The following SBF1 variants were observed in gnomAD, a reference collection of about 807,000 sequenced individuals.
SBF1 encodes myotubularin-related protein 5.
Under a neutral mutation model 215.8 loss-of-function variants are expected in SBF1, and 65 were observed. That is an observed-to-expected ratio of 0.30 (90% CI 0.25 to 0.37). The LOEUF (loss-of-function observed/expected upper bound fraction) is 0.37. SBF1 is among the 10% of genes least tolerant of loss of function. The probability of loss-of-function intolerance (pLI) is 1.00; values close to 1 mark genes in which losing one functional copy is unlikely to be tolerated. For missense variants in SBF1, 2,634 were observed against 2,667.8 expected (o/e 0.99, Z 0.28); for synonymous variants, 1,410 against 1,122.8 (o/e 1.26, Z -5.11).
chr22:50,453,873 G>A (rs1159775741), intron 36 of SBF1, among the ~76,000 whole-genome samples: 1 of 152,090 alleles, frequency 6.6e-6, no homozygotes, highest in Non-Finnish European at 1.5e-5. Context: ...TAGGTCCAAG[G>A]TCCACACTCC....
At position 50,467,323 on chromosome 22, in the gene SBF1, G is replaced by A. The variant is rs970417225; in HGVS notation, c.549+15C>T. 2.5e-6 allele frequency: 4 copies of A among 1,607,160 alleles called. No homozygotes were observed. The highest frequency in any genetic ancestry group is 1.3e-5 in the African/African-American group (1 of 74,800). On this transcript the variant is annotated intron_variant, in intron 5 of 40. Transcript: ENST00000380817. ...GCCTGTGGCTGTGCAGATACCAGCT[G>A]CCTCCAAAACTCACCTGCGAGCCCC...
At chr22:50,468,519 T>A in intron 1 of SBF1, 58 bp from the exon 2 acceptor site, 1 of 1,060,338 alleles carries the variant, frequency 9.4e-7, no homozygotes, top group Non-Finnish European at 1.2e-6. Context: ...ACCAGGAGGC[T>A]TGAGGATCCC....
intron 26 of SBF1, 121 bp downstream of exon 26, chr22:50,459,831 G>T (rs1366422827): frequency 1.5e-6 from 2 of 1,377,240 alleles, no homozygotes; most frequent in Non-Finnish European, 2.0e-6. Flanking sequence ...CCGTCCCTCT[G>T]CCCGGAGTCT....
intron 2 of SBF1, 101 bp downstream of exon 2, chr22:50,468,275 G>T (rs941689980): frequency 2.4e-5 from 27 of 1,136,706 alleles, no homozygotes; most frequent in Non-Finnish European, 3.3e-5. Context: ...CCCAGCGGGG[G>T]GCCGGGCACT....
chr22:50,466,552 T>C (rs1176625860), intron 6 of SBF1, 53 bp downstream of exon 6: 2 of 1,528,776 alleles, frequency 1.3e-6, no homozygotes, highest in Non-Finnish European at 1.8e-6. Context: ...CCCACATCCC[T>C]AACTACCAGT....
intron 36 of SBF1, among the ~76,000 whole-genome samples, chr22:50,451,225 T>C (rs1230680987): frequency 1.3e-5 from 2 of 150,156 alleles, no homozygotes; most frequent in African/African-American, 4.9e-5. Context: ...CCAGTAGTCT[T>C]GGCAACTCAA....
At chr22:50,460,755 C>A (rs1422908850) in intron 23 of SBF1, 43 bp from the exon 24 acceptor site, 22 of 1,584,132 alleles carry the variant, frequency 1.4e-5, no homozygotes, top group Non-Finnish European at 1.9e-5. Flanking sequence ...GGTGGCCCCC[C>A]AGCCCCTCCC....
chr22:50,454,531 G>C lies in SBF1; in HGVS notation c.5024C>G (p.Ala1675Gly). ...YDSCPRAQPD[A>G]ISRLLEELQR... Reference sequence around the variant, plus strand: ...ACGCACCTCCAGCAGGCGTGAGATGGCGTCAGGCTGGGCCCGCGGGCAGCT... The same window carrying C: ...ACGCACCTCCAGCAGGCGTGAGATGCCGTCAGGCTGGGCCCGCGGGCAGCT... The change falls in exon 36 of 41, where the codon GCC becomes GGC. Residue 1675 changes from alanine (A) to glycine (G), a missense_variant. Transcript: ENST00000380817. The C allele has an allele frequency of 6.2e-7, 1 of 1,610,120 alleles. No individual in the cohort carries two copies. Among genetic ancestry groups the C allele is most frequent in the Non-Finnish European group, 8.5e-7 (1 of 1,179,838 alleles).
intron 23 of SBF1, 54 bp from the exon 24 acceptor site, chr22:50,460,766 C>G (rs994023324): frequency 1.3e-6 from 2 of 1,556,092 alleles, no homozygotes; most frequent in African/African-American, 1.4e-5. Flanking sequence ...AGCCCCTCCC[C>G]CAACTCTGAC....
rs571388625 is a variant in SBF1 at position 50,467,246 on chromosome 22, T to C, written c.549+92A>G. 9.5e-5 allele frequency: 99 copies of C among 1,040,744 alleles called. No individual in the cohort carries two copies. The African/African-American group carries it at 1.5e-3, about 16-fold the overall frequency. 64.5% of individuals were successfully genotyped at this position (1,040,744 alleles called of 1,614,324 possible). ...AGAGGGAGCATCCAAGGCCTCCAGC[T>C]GTGTGTGGCTCTGGCTGGGCTCCAA... is the stretch of plus-strand genomic sequence containing the variant. On this transcript the variant is annotated intron_variant, in intron 5 of 40. Transcript: ENST00000380817.
chr22:50,451,858 G>C (rs1009498402), intron 36 of SBF1, among the ~76,000 whole-genome samples: 1 of 150,170 alleles, frequency 6.7e-6, no homozygotes, highest in South Asian at 2.1e-4. Flanking sequence ...GTGCAGTGGC[G>C]CGATCTCAGC....
chr22:50,450,444 A>G (rs541762515), intron 36 of SBF1, among the ~76,000 whole-genome samples: 1 of 150,666 alleles, frequency 6.6e-6, no homozygotes, highest in African/African-American at 2.4e-5. Flanking sequence ...TTGCTTGAAC[A>G]TGGGAAGTGG....
intron 28 of SBF1, among the ~76,000 whole-genome samples, chr22:50,457,701 C>T (rs1276808158): frequency 1.3e-5 from 2 of 152,236 alleles, no homozygotes; most frequent in Admixed American, 6.5e-5. Context: ...ACGGTCCAGA[C>T]GACGTGGCCT....
chr22:50,448,460 T>C lies in SBF1; in HGVS notation c.5152-16A>G. 3 of 1,612,876 alleles carry C rather than the reference T, an allele frequency of 1.9e-6. No individual in the cohort carries two copies. Among genetic ancestry groups the C allele is most frequent in the Non-Finnish European group, 2.5e-6 (3 of 1,179,332 alleles). On this transcript the variant is annotated splice_polypyrimidine_tract_variant and intron_variant, in intron 37 of 40. Transcript: ENST00000380817. ...TAGGGGTGCCCTGGGAACAGGAGGT[T>C]GGGACTTGGGTCAGGGCTGGACAGA...
intron 28 of SBF1, among the ~76,000 whole-genome samples, chr22:50,457,847 C>T (rs2067317391): frequency 6.6e-6 from 1 of 152,226 alleles, no homozygotes; most frequent in African/African-American, 2.4e-5. Flanking sequence ...AGGCAATGTC[C>T]CCTCGTCCAC....
At position 50,461,882 on chromosome 22, in the gene SBF1, A is replaced by G; in HGVS notation, c.2570-13T>C. ...ATCTGGACAATGTCTGGGGGAAGACAGTTCTCACACTTTGTGCCCAGCCCC... is the reference window on the plus strand; with the variant it reads ...ATCTGGACAATGTCTGGGGGAAGACGGTTCTCACACTTTGTGCCCAGCCCC... On this transcript the variant is annotated splice_polypyrimidine_tract_variant and intron_variant, in intron 20 of 40. Coordinates refer to ENST00000380817, the MANE Select transcript of SBF1 (RefSeq NM_002972.4). 1 of 1,614,044 alleles carries G rather than the reference A, an allele frequency of 6.2e-7. No individual in the cohort carries two copies.
At chr22:50,457,478 G>A (rs986988090) in intron 28 of SBF1, 2 of 235,996 alleles carry the variant, frequency 8.5e-6, no homozygotes, top group African/African-American at 2.3e-5. Flanking sequence ...CTTGTGATGG[G>A]CACAGCTCAG....
Position 50,446,898 on chromosome 22 carries a change from T to G in SBF1, c.*244A>C, listed in dbSNP as rs2148547496. ...GCACACGCTGACGGGGCCGGACTAT[T>G]TACAGGCCCATTGCGGGCTGTACCT... On this transcript the variant is annotated 3_prime_UTR_variant, in exon 41 of 41. Coordinates refer to ENST00000380817, the MANE Select transcript of SBF1 (RefSeq NM_002972.4). The G allele has an allele frequency of 1.4e-6, 1 of 740,730 alleles. No homozygotes were observed. The highest frequency in any genetic ancestry group is 1.7e-5 in the African/African-American group (1 of 58,814). 45.9% of individuals were successfully genotyped at this position (740,730 alleles called of 1,614,324 possible).
rs1377038291 is a variant in SBF1 at position 50,459,352 on chromosome 22, C to A, written c.3729G>T (p.Lys1243Asn). The A allele has an allele frequency of 6.2e-7, 1 of 1,612,798 alleles. No homozygotes were observed. Among genetic ancestry groups the A allele is most frequent in the East Asian group, 2.2e-5 (1 of 44,862 alleles). ...QADSSSLEQE[K>N]YLQAVVSSMP... is the part of the protein sequence containing the mutation. ...TGGAGCTGACCACAGCCTGCAGGTA[C>A]TTCTCCTGCTCCAGGCTACTCGAGT... The change falls in exon 28 of 41, where the codon AAG (lysine) becomes AAT (asparagine). Residue 1243 changes from lysine to asparagine, a missense_variant. Coordinates refer to ENST00000380817, the MANE Select transcript of SBF1 (RefSeq NM_002972.4).
Sources: allele counts gnomAD v4.1 joint callset (sites outside exome capture counted in the v4.1 genomes callset), GRCh38; gene constraint gnomAD v4.1.1; transcripts MANE v1.5; gene names NCBI Gene and HGNC (gene_info 2026-07-23, HGNC 2026-07-21).